The following EML1 variants were observed in gnomAD, a reference collection of about 807,000 sequenced individuals.
The protein encoded by EML1 is EMAP like 1.
Under a neutral mutation model 110.4 loss-of-function variants are expected in EML1, and 27 were observed. The ratio of observed to expected loss-of-function variants is 0.24; its 90% confidence interval spans 0.18 to 0.34. The LOEUF (loss-of-function observed/expected upper bound fraction) is 0.34. Ranked by LOEUF, EML1 falls within the 10% of genes least tolerant of loss-of-function variation. EML1 has a pLI of 1.00. For synonymous variants in EML1, 344 were observed against 385.8 expected, an observed-to-expected ratio of 0.89 and a Z score of 1.27; for missense variants, 741 against 1,030.9, an observed-to-expected ratio of 0.72 and a Z score of 3.85.
chr14:99,900,844 T>C, intron 8 of EML1, 85 bp from the exon 9 acceptor site: 1 of 1,160,534 alleles, frequency 8.6e-7, no homozygotes, highest in Non-Finnish European at 1.3e-6. Flanking sequence ...TCCGAGTTAC[T>C]GCCCAAGTAA....
At chr14:99,840,422 C>T (rs1325631228) in intron 1 of EML1, among the ~76,000 whole-genome samples, 1 of 152,176 alleles carries the variant, frequency 6.6e-6, no homozygotes, top group Non-Finnish European at 1.5e-5. Context: ...CAACCTTAGG[C>T]AAGGTGGACC....
intron 1 of EML1, among the ~76,000 whole-genome samples, chr14:99,754,679 C>G (rs2057225173): frequency 6.6e-6 from 1 of 152,210 alleles, no homozygotes; most frequent in South Asian, 2.1e-4. Flanking sequence ...GGCACCCCGG[C>G]ACAGGGCAGA....
At chr14:99,886,957 A>G (rs1328990401) in intron 4 of EML1, among the ~76,000 whole-genome samples, 3 of 152,250 alleles carry the variant, frequency 2.0e-5, no homozygotes, top group African/African-American at 7.2e-5. Context: ...CAGTGAACAC[A>G]TTCAGGGATT....
At chr14:99,788,631 A>ATGTG (rs376095429), upstream of EML1, among the ~76,000 whole-genome samples, 80 of 150,260 alleles carry the variant, frequency 5.3e-4, no homozygotes, top group South Asian at 8.9e-3. Context: ...TCTCCCTAAT[A>ATGTG]TGTGTGTGTG....
chr14:99,786,371 C>T (rs2057600051), intron 1 of EML1, among the ~76,000 whole-genome samples: 2 of 152,222 alleles, frequency 1.3e-5, no homozygotes, highest in African/African-American at 4.8e-5. Flanking sequence ...TGGGCAACCA[C>T]TTTTGTCCAG....
At chr14:99,895,122 GT>G (rs2059650182) in intron 6 of EML1, among the ~76,000 whole-genome samples, 1 of 152,090 alleles carries the variant, frequency 6.6e-6, no homozygotes, top group Non-Finnish European at 1.5e-5. Context: ...TGAATCACTA[GT>G]TTCTGGTCCG....
intron 9 of EML1, among the ~76,000 whole-genome samples, chr14:99,904,058 C>T (rs1335158846): frequency 6.6e-6 from 1 of 152,136 alleles, no homozygotes; most frequent in Non-Finnish European, 1.5e-5. Context: ...GCTGGGGTTA[C>T]AGGTGTGAGC....
chr14:99,894,486 A>G (rs1312449239), intron 5 of EML1, 143 bp from the exon 6 acceptor site: 3 of 1,045,762 alleles, frequency 2.9e-6, no homozygotes, highest in Admixed American at 4.0e-5. Context: ...TTTTTATGTT[A>G]CTTTTTTCCC....
intron 1 of EML1, among the ~76,000 whole-genome samples, chr14:99,739,119 A>AGGGT (rs1258318282): frequency 7.4e-6 from 1 of 134,910 alleles, no homozygotes; most frequent in African/African-American, 3.0e-5. Context: ...AGAGAGAGAG[A>AGGGT]GTGTGTGTGT....
intron 4 of EML1, among the ~76,000 whole-genome samples, chr14:99,888,937 TC>T (rs1311590660): frequency 1.3e-5 from 2 of 151,734 alleles, no homozygotes; most frequent in Non-Finnish European, 2.9e-5. Context: ...ACGAGAACCC[TC>T]CCCCCGCTCA....
In EML1 at chr14:99,940,853, T is replaced by G. The variant is rs1180181210; in HGVS notation, c.*741T>G. 1 of 152,230 alleles carries G rather than the reference T, an allele frequency of 6.6e-6. No individual in the cohort carries two copies. The highest frequency in any genetic ancestry group is 2.4e-5 in the African/African-American group (1 of 41,458). The allele number at this position is 152,230 out of a possible 1,614,324, so 9.4% of individuals were successfully genotyped here. A position where few individuals can be genotyped will look rare whatever the true frequency, so the allele number is the denominator to read the frequency against. Reference sequence around the variant, plus strand: ...TCCCCCATCCCTTGTTCACACGCCCTGATTCACGGTGAGACATTTTGCCAC... The same window carrying G: ...TCCCCCATCCCTTGTTCACACGCCCGGATTCACGGTGAGACATTTTGCCAC... On this transcript the variant is annotated 3_prime_UTR_variant, in exon 22 of 22. Transcript: ENST00000262233.
intron 1 of EML1, among the ~76,000 whole-genome samples, chr14:99,818,651 C>T (rs2058210138): frequency 1.3e-5 from 2 of 152,132 alleles, no homozygotes. Flanking sequence ...AGAGCTGGAG[C>T]TTGAGAGGGT....
intron 1 of EML1, among the ~76,000 whole-genome samples, chr14:99,846,113 AAGAC>A (rs892014173): frequency 6.6e-6 from 1 of 151,896 alleles, no homozygotes; most frequent in Non-Finnish European, 1.5e-5. Flanking sequence ...ATTTAAGGGC[AAGAC>A]AGAATTATTT....
chr14:99,791,014 T>C (rs528256564), upstream of EML1, among the ~76,000 whole-genome samples: 3 of 152,194 alleles, frequency 2.0e-5, no homozygotes, highest in African/African-American at 4.8e-5. Flanking sequence ...CACACCACCA[T>C]GTCTGGCTAA....
intron 1 of EML1, among the ~76,000 whole-genome samples, chr14:99,749,026 A>G (rs2057144916): frequency 6.6e-6 from 1 of 152,182 alleles, no homozygotes; most frequent in African/African-American, 2.4e-5. Flanking sequence ...ACCCCAGCAT[A>G]TGGATATACC....
rs1423949084 is a variant in EML1, at chr14:99,878,612, A to T, written c.511A>T (p.Ser171Cys). 6.2e-7 allele frequency: 1 copy of T among 1,613,644 alleles called. No individual in the cohort carries two copies. Among genetic ancestry groups the T allele is most frequent in the Non-Finnish European group, 8.5e-7 (1 of 1,179,830 alleles). The change falls in exon 4 of 22, where the codon AGT becomes TGT. Residue 171 changes from serine (S) to cysteine (C), a missense_variant. Physicochemically the swap from Ser to Cys is moderately radical, Grantham distance 112. Coordinates refer to ENST00000262233, the MANE Select transcript of EML1 (RefSeq NM_004434.3). The part of the protein sequence containing the change: ...TSSSSSGKKN[S>C]ESKPKEPVFS... ...CAGCTCTTCCAGTGGCAAAAAGAAC[A>T]GTGAAAGGTAAGGACGTCTTATCTC...
At chr14:99,919,882 C>T (rs2060101467) in intron 16 of EML1, among the ~76,000 whole-genome samples, 2 of 152,138 alleles carry the variant, frequency 1.3e-5, no homozygotes. Context: ...TAGGGGGGCT[C>T]CTGTGGAAGA....
chr14:99,895,360 T>C (rs534830709), intron 6 of EML1, among the ~76,000 whole-genome samples: 3 of 152,254 alleles, frequency 2.0e-5, no homozygotes, highest in Admixed American at 2.0e-4. Context: ...TGAGCCACCA[T>C]GCCCAGCCAA....
intron 1 of EML1, among the ~76,000 whole-genome samples, chr14:99,816,670 A>G (rs1595333212): frequency 6.6e-6 from 1 of 152,252 alleles, no homozygotes; most frequent in Non-Finnish European, 1.5e-5. Flanking sequence ...TTCATTTGAA[A>G]TGAAGAAGGC....
Sources: gnomAD v4.1 joint callset for allele counts (sites outside exome capture counted in the v4.1 genomes callset) on GRCh38, gnomAD v4.1.1 for gene constraint, MANE v1.5 for transcripts, NCBI Gene and HGNC (gene_info 2026-07-23, HGNC 2026-07-21) for gene names.